The following LTBP2 variants were observed in gnomAD, a reference collection of about 807,000 sequenced individuals.
LTBP2 encodes latent transforming growth factor beta binding protein 2, also known as latent-transforming growth factor beta-binding protein 2.
A neutral mutation model predicts 210.6 loss-of-function variants in LTBP2; 103 were observed. The ratio of observed to expected loss-of-function variants is 0.49; its 90% CI spans 0.42 to 0.58. LTBP2 has a LOEUF of 0.58. LTBP2 is among the 20% of genes least tolerant of loss of function. LTBP2 has a pLI of 0.00. For missense variants in LTBP2, 2,313 were observed against 2,494.5 expected (o/e 0.93, Z 1.55); for synonymous variants, 1,007 against 1,015.0 (o/e 0.99, Z 0.15).
At chr14:74,511,134 C>G in intron 19 of LTBP2, 111 bp downstream of exon 19, 1 of 1,530,896 alleles carries the variant, frequency 6.5e-7, no homozygotes, top group Non-Finnish European at 9.0e-7. Flanking sequence ...TGGAGGACAA[C>G]AGCCTCCAAG....
chr14:74,503,887 TG>T, intron 31 of LTBP2, 38 bp downstream of exon 31: 6 of 1,612,778 alleles, frequency 3.7e-6, no homozygotes, highest in Non-Finnish European at 5.1e-6. Flanking sequence ...TATTCAGCTG[TG>T]GGCCTGGGGT....
At chr14:74,570,467 C>T (rs571892352) in intron 3 of LTBP2, among the ~76,000 whole-genome samples, 2 of 152,194 alleles carry the variant, frequency 1.3e-5, no homozygotes, top group Non-Finnish European at 2.9e-5. Flanking sequence ...AAAGTCCCAG[C>T]CTGCCCTTTC....
chr14:74,577,881 G>A (rs1010193455), intron 3 of LTBP2, among the ~76,000 whole-genome samples: 6 of 152,080 alleles, frequency 3.9e-5, no homozygotes, highest in Admixed American at 1.3e-4. Flanking sequence ...GCCCAGGAAG[G>A]GCAGAAGATT....
intron 3 of LTBP2, among the ~76,000 whole-genome samples, chr14:74,569,360 T>A (rs2087944558): frequency 1.3e-5 from 2 of 152,230 alleles, no homozygotes; most frequent in African/African-American, 4.8e-5. Context: ...TATTTATTCC[T>A]GGCTTACCAC....
intron 2 of LTBP2, among the ~76,000 whole-genome samples, chr14:74,599,696 C>A (rs2139803727): frequency 6.6e-6 from 1 of 152,360 alleles, no homozygotes; most frequent in Admixed American, 6.5e-5. Context: ...GGGCTTCCAG[C>A]AATGGGCACC....
In LTBP2 at chr14:74,586,207, G is replaced by A; in HGVS notation, c.566-89C>T. ...ACCTTCCTGTCAGAAGGGCCCTCCT[G>A]AGTGCTGCAACCCTGTCGCTCAAGC... On this transcript the variant is annotated intron_variant, in intron 2 of 35. Coordinates refer to ENST00000261978, the MANE Select transcript of LTBP2 (RefSeq NM_000428.3). The surrounding 1 kb of genome is among the most constrained non-coding windows in gnomAD (Gnocchi z 4.6). The A allele has an allele frequency of 2.1e-6, 3 of 1,430,808 alleles. No individual in the cohort carries two copies. Among genetic ancestry groups the A allele is most frequent in the Non-Finnish European group, 9.5e-7 (1 of 1,054,902 alleles). 88.6% of individuals were successfully genotyped at this position (1,430,808 alleles called of 1,614,324 possible).
rs146090573 is a variant in LTBP2, at chr14:74,506,163, C to G, written c.4062G>C (p.Ala1354=). The change falls in exon 28 of 36, where the codon GCG becomes GCC. Residue 1354 remains alanine (A), a synonymous_variant. Transcript: ENST00000261978. ...TCTCACAGAGCGCGGCCCCACATAC[C>G]GCCAGCATAAGCTCACACTCGTTCA... ...VDVNECELML[A]VCGAALCENV... is the part of the protein sequence containing the mutation. 2 of 1,614,226 alleles carry G rather than the reference C, an allele frequency of 1.2e-6. No individual in the cohort carries two copies. The highest frequency in any genetic ancestry group is 1.7e-6 in the Non-Finnish European group (2 of 1,180,050).
At chr14:74,512,678 C>T (rs2087087185) in intron 18 of LTBP2, among the ~76,000 whole-genome samples, 1 of 152,226 alleles carries the variant, frequency 6.6e-6, no homozygotes, top group Non-Finnish European at 1.5e-5. Context: ...GGGACATCGC[C>T]ACAGGGCAGG....
At position 74,556,540 on chromosome 14, in the gene LTBP2, G is replaced by A. The variant is rs368432977; in HGVS notation, c.831-847C>T. Among the ~76,000 whole-genome samples, 13 of 152,254 alleles carry A rather than the reference G, an allele frequency of 8.5e-5. No individual in the cohort carries two copies. In the East Asian group the frequency reaches 1.4e-3, roughly 16 times the overall value. On this transcript the variant is annotated intron_variant, in intron 3 of 35. Transcript: ENST00000261978. ...TTTGCTTGTTTTTGTTTTTGAGACCGAGTTTTGCTCTCGTTGCCCAAGCTG... is the reference window on the plus strand; with the variant it reads ...TTTGCTTGTTTTTGTTTTTGAGACCAAGTTTTGCTCTCGTTGCCCAAGCTG...
chr14:74,595,695 T>G (rs11626065), intron 2 of LTBP2, among the ~76,000 whole-genome samples: 74,346 of 152,070 alleles, frequency 0.49, 18,672 homozygotes, highest in Middle Eastern at 0.55. Flanking sequence ...GAAGGACAGT[T>G]TGGCCCTGCA....
chr14:74,610,683 G>A (rs938926573), intron 1 of LTBP2, among the ~76,000 whole-genome samples: 1 of 152,258 alleles, frequency 6.6e-6, no homozygotes, highest in Admixed American at 6.5e-5. Flanking sequence ...CTCACTCTGC[G>A]ACGGCGCCCG....
At chr14:74,574,863 G>T (rs1299888355) in intron 3 of LTBP2, among the ~76,000 whole-genome samples, 3 of 152,202 alleles carry the variant, frequency 2.0e-5, no homozygotes, top group Non-Finnish European at 4.4e-5. Flanking sequence ...ATGGGAGAAG[G>T]GGGAAGGTAG....
chr14:74,509,097 G>A (rs1595242549), intron 22 of LTBP2, 141 bp downstream of exon 22: 7 of 1,570,688 alleles, frequency 4.5e-6, no homozygotes, highest in South Asian at 1.1e-5. Flanking sequence ...AGCACAGCTG[G>A]GACAAGCTTG....
rs1291489881 is a variant in LTBP2 at position 74,611,902 on chromosome 14, G to A, written c.43C>T (p.Arg15Trp). 6 of 1,597,552 alleles carry A rather than the reference G, an allele frequency of 3.8e-6. No homozygotes were observed. The Admixed American group carries it at 5.1e-5, about 14-fold the overall frequency. ...TKARSPGRALRNPWRGFLPLT... is the reference protein window; with the variant it reads ...TKARSPGRALWNPWRGFLPLT... ...GGCAGGAAGCCTCTCCAGGGGTTCC[G>A]CAGGGCGCGCCCCGGGCTGCGGGCT... Residue 15 changes from arginine to tryptophan, a missense_variant, in exon 1 of 36, where the codon CGG (arginine) becomes TGG (tryptophan). Physicochemically the swap from Arg to Trp is moderately radical, Grantham distance 101. This residue lies in a region of LTBP2 where 1,867 missense variants were observed against 1,976.9 expected (regional missense o/e 0.94). Transcript: ENST00000261978.
At chr14:74,566,579 TG>T (rs2087905114) in intron 3 of LTBP2, among the ~76,000 whole-genome samples, 1 of 152,150 alleles carries the variant, frequency 6.6e-6, no homozygotes. Context: ...GGCAGGCCCT[TG>T]GCTGCCAAAC....
intron 7 of LTBP2, 142 bp from the exon 8 acceptor site, chr14:74,550,107 G>C: frequency 1.5e-6 from 1 of 680,268 alleles, no homozygotes; most frequent in Non-Finnish European, 2.7e-6. Flanking sequence ...AAGGGGAGAA[G>C]GGAGTCAGCC....
At chr14:74,509,036 T>C in intron 22 of LTBP2, 84 bp from the exon 23 acceptor site, 1 of 1,594,344 alleles carries the variant, frequency 6.3e-7, no homozygotes, top group East Asian at 2.2e-5. Flanking sequence ...CCAGAGGACC[T>C]GTCACCTGCC....
At chr14:74,582,019 GT>G (rs1162135097) in intron 3 of LTBP2, among the ~76,000 whole-genome samples, 2,127 of 128,454 alleles carry the variant, frequency 0.017, 35 homozygotes, top group African/African-American at 0.048. Context: ...TAGGGTTGTT[GT>G]TTTTTTTTTT....
At chr14:74,532,710 T>C (rs1207270595) in intron 9 of LTBP2, among the ~76,000 whole-genome samples, 162 bp from the exon 10 acceptor site, 1 of 152,230 alleles carries the variant, frequency 6.6e-6, no homozygotes, top group Non-Finnish European at 1.5e-5. Context: ...GTTTCCTCAT[T>C]TGTAAAATGA....
Sources: allele counts gnomAD v4.1 joint callset (sites outside exome capture counted in the v4.1 genomes callset), GRCh38; gene constraint gnomAD v4.1.1; regional missense constraint gnomAD v4.1.1; non-coding constraint Gnocchi (gnomAD v3.1); transcripts MANE v1.5; gene names NCBI Gene and HGNC (gene_info 2026-07-23, HGNC 2026-07-21).